THADA: variants seen among roughly 807,000 people sequenced by gnomAD.
THADA encodes the protein THADA armadillo repeat containing.
THADA carries 213 observed loss-of-function variants against 219.8 expected under a neutral mutation model. The observed-to-expected ratio is 0.97, with a 90% CI of 0.87 to 1.09. The LOEUF (loss-of-function observed/expected upper bound fraction) is 1.09, where lower values mean the gene tolerates loss of function less well. THADA is among the 50% of genes least tolerant of loss of function. THADA has a pLI of 0.00. For synonymous variants in THADA, 1,018 were observed against 828.9 expected, an observed-to-expected ratio of 1.23 and a Z score of -3.92; for missense variants, 2,956 against 2,311.3, an observed-to-expected ratio of 1.28 and a Z score of -5.72.
chr2:43,388,948 C>A (rs1023337516), intron 29 of THADA, among the ~76,000 whole-genome samples: 1 of 152,158 alleles, frequency 6.6e-6, no homozygotes, highest in Non-Finnish European at 1.5e-5. Flanking sequence ...CCTCACCCCC[C>A]GCCCGTAGCA....
chr2:43,526,965 A>G (rs189973197), intron 22 of THADA, among the ~76,000 whole-genome samples: 1 of 152,344 alleles, frequency 6.6e-6, no homozygotes, highest in East Asian at 1.9e-4. Flanking sequence ...AAAAAGTTGA[A>G]AAGATAAAAT....
intron 31 of THADA, among the ~76,000 whole-genome samples, chr2:43,295,979 G>C (rs2104384128): frequency 6.6e-6 from 1 of 150,760 alleles, no homozygotes; most frequent in Non-Finnish European, 1.5e-5. Flanking sequence ...GAGTGCAGTG[G>C]TGCGATCTCG....
intron 36 of THADA, among the ~76,000 whole-genome samples, chr2:43,253,416 T>A (rs1225535328): frequency 1.3e-5 from 2 of 152,154 alleles, no homozygotes; most frequent in African/African-American, 4.8e-5. Flanking sequence ...CTAAACTCCT[T>A]AAAGGTGGCT....
chr2:43,519,877 C>T (rs1052140002), intron 22 of THADA, among the ~76,000 whole-genome samples: 8 of 152,172 alleles, frequency 5.3e-5, no homozygotes, highest in African/African-American at 1.9e-4. Context: ...CTATAAAAAG[C>T]AGAATAGAGT....
intron 29 of THADA, among the ~76,000 whole-genome samples, chr2:43,377,789 G>C (rs1671548861): frequency 6.6e-6 from 1 of 152,096 alleles, no homozygotes; most frequent in Non-Finnish European, 1.5e-5. Flanking sequence ...AACTACCAGA[G>C]ACAACTGCCT....
chr2:43,277,119 C>T (rs1170349064), intron 36 of THADA: 1 of 152,616 alleles, frequency 6.6e-6, no homozygotes, highest in Non-Finnish European at 1.5e-5. Flanking sequence ...TGGCCCATCA[C>T]ACACACTGCT....
At chr2:43,465,991 C>T (rs1573787626) in intron 26 of THADA, among the ~76,000 whole-genome samples, 1 of 152,120 alleles carries the variant, frequency 6.6e-6, no homozygotes, top group Non-Finnish European at 1.5e-5. Flanking sequence ...TTTCCTCTTC[C>T]CTGGCCCCCT....
intron 36 of THADA, among the ~76,000 whole-genome samples, chr2:43,255,837 G>A (rs187131485): frequency 2.1e-4 from 32 of 152,274 alleles, no homozygotes; most frequent in Admixed American, 1.6e-3. Context: ...GTGAGGCTTT[G>A]TTATTTCATT....
intron 30 of THADA, among the ~76,000 whole-genome samples, chr2:43,332,753 A>G (rs1665937161): frequency 6.6e-6 from 1 of 152,212 alleles, no homozygotes; most frequent in Non-Finnish European, 1.5e-5. Flanking sequence ...ACACCCCAGT[A>G]AGCCAACAGC....
chr2:43,354,328 T>C (rs1668633989), intron 29 of THADA, among the ~76,000 whole-genome samples: 1 of 152,120 alleles, frequency 6.6e-6, no homozygotes, highest in Non-Finnish European at 1.5e-5. Context: ...GATATAGGCA[T>C]ACGATGTGTA....
rs1019577797 is a variant in THADA at position 43,381,537 on chromosome 2, C to T, written c.4227+16434G>A. On this transcript the variant is annotated intron_variant, in intron 29 of 37. Transcript: ENST00000405975. Reference sequence around the variant, plus strand: ...CTATAGTGGAGAAACCTGGCAAACACGACTTCTAAGCCATGTGATTAATGT... The same window carrying T: ...CTATAGTGGAGAAACCTGGCAAACATGACTTCTAAGCCATGTGATTAATGT... Among the ~76,000 whole-genome samples, 9 of 151,328 alleles carry T rather than the reference C, an allele frequency of 5.9e-5. No individual in the cohort carries two copies. The South Asian group carries it at 8.3e-4, about 14-fold the overall frequency.
At chr2:43,258,984 G>A (rs1411397626) in intron 36 of THADA, among the ~76,000 whole-genome samples, 1 of 152,218 alleles carries the variant, frequency 6.6e-6, no homozygotes, top group African/African-American at 2.4e-5. Context: ...TGGAGGTTCT[G>A]TGGTGGAAAG....
At chr2:43,374,031 A>C (rs1301979913) in intron 29 of THADA, among the ~76,000 whole-genome samples, 1 of 152,222 alleles carries the variant, frequency 6.6e-6, no homozygotes, top group African/African-American at 2.4e-5. Context: ...CAATCAAAAA[A>C]CATTTCATTG....
intron 30 of THADA, chr2:43,343,204 T>G (rs996277910): frequency 2.6e-5 from 4 of 152,212 alleles, no homozygotes; most frequent in African/African-American, 9.7e-5. Context: ...ATTTTTGTTG[T>G]TGTCGTTGTT....
chr2:43,460,566 A>C (rs539488941), intron 26 of THADA, among the ~76,000 whole-genome samples: 1 of 152,328 alleles, frequency 6.6e-6, no homozygotes, highest in African/African-American at 2.4e-5. Context: ...GACATGCACC[A>C]ATCAATCAAA....
At chr2:43,263,650 T>A (rs1412696434) in intron 36 of THADA, among the ~76,000 whole-genome samples, 1 of 152,194 alleles carries the variant, frequency 6.6e-6, no homozygotes, top group East Asian at 1.9e-4. Context: ...TTGCTCCAAA[T>A]TCACCCTCCT....
intron 26 of THADA, among the ~76,000 whole-genome samples, chr2:43,461,468 C>G (rs949442098): frequency 6.6e-6 from 1 of 152,160 alleles, no homozygotes; most frequent in African/African-American, 2.4e-5. Flanking sequence ...TGCCCTCCCC[C>G]AAACCTGACT....
chr2:43,465,220 T>G (rs1684099219), intron 26 of THADA, among the ~76,000 whole-genome samples: 1 of 152,164 alleles, frequency 6.6e-6, no homozygotes, highest in South Asian at 2.1e-4. Context: ...ACTCAAAGAG[T>G]AAATCTCCAA....
rs1693768906 is a variant in THADA, at chr2:43,530,779, C to T, written c.3265-2791G>A. Among the ~76,000 whole-genome samples the T allele has an allele frequency of 2.0e-5, 3 of 152,122 alleles. No individual in the cohort carries two copies. The South Asian group carries it at 6.2e-4, about 32-fold the overall frequency. On this transcript the variant is annotated intron_variant, in intron 21 of 37. Transcript: ENST00000405975. ...AAACTCCCTTCGAAGAGGTCTAAAA[C>T]AAAAAGCATATAATAAAAATCAAAG... is the stretch of plus-strand genomic sequence containing the variant.
Sources: allele counts gnomAD v4.1 joint callset (sites outside exome capture counted in the v4.1 genomes callset), GRCh38; gene constraint gnomAD v4.1.1; transcripts MANE v1.5; gene names NCBI Gene and HGNC (gene_info 2026-07-23, HGNC 2026-07-21).